The following FBXL20 variants were observed in gnomAD, a reference collection of about 807,000 sequenced individuals.
The protein encoded by FBXL20 is F-box/LRR-repeat protein 20.
Under a neutral mutation model 64.0 loss-of-function variants are expected in FBXL20, and 11 were observed. The ratio of observed to expected loss-of-function variants is 0.17; its 90% CI spans 0.11 to 0.28. The LOEUF is 0.28. Ranked by LOEUF, FBXL20 falls within the 10% of genes least tolerant of loss-of-function variation. The probability of loss-of-function intolerance (pLI) is 1.00; values close to 1 mark genes in which losing one functional copy is unlikely to be tolerated. For missense variants in FBXL20, 303 were observed against 526.2 expected (o/e 0.58, Z 4.15); for synonymous variants, 184 against 189.0 (o/e 0.97, Z 0.22).
At chr17:39,304,572 G>A (rs1470006532) in intron 2 of FBXL20, among the ~76,000 whole-genome samples, 1 of 152,108 alleles carries the variant, frequency 6.6e-6, no homozygotes, top group Non-Finnish European at 1.5e-5. Context: ...CTGCATGTAT[G>A]AGCCAACATG....
intron 6 of FBXL20, among the ~76,000 whole-genome samples, chr17:39,294,816 A>T (rs191073095): frequency 1.3e-5 from 2 of 152,186 alleles, no homozygotes; most frequent in Admixed American, 1.3e-4. Context: ...GATCCTGACC[A>T]GCCTGGCCAA....
chr17:39,307,026 C>T (rs183922028), intron 2 of FBXL20, among the ~76,000 whole-genome samples: 2 of 151,976 alleles, frequency 1.3e-5, no homozygotes, highest in African/African-American at 4.8e-5. Flanking sequence ...TAAGGAGAAC[C>T]GGATAGGTGG....
intron 1 of FBXL20, among the ~76,000 whole-genome samples, chr17:39,378,999 G>C (rs970980002): frequency 3.3e-5 from 5 of 149,994 alleles, no homozygotes; most frequent in Non-Finnish European, 5.9e-5. Context: ...AGGCCGAGGC[G>C]GGCAGATCAC....
intron 1 of FBXL20, among the ~76,000 whole-genome samples, chr17:39,374,524 G>C (rs2047948803): frequency 6.6e-6 from 1 of 151,572 alleles, no homozygotes; most frequent in South Asian, 2.1e-4. Context: ...CAAGGCAATA[G>C]AGCGAGACTC....
upstream of FBXL20, chr17:39,402,339 G>T: frequency 1.5e-6 from 1 of 651,980 alleles, no homozygotes; most frequent in Non-Finnish European, 2.2e-6. Context: ...ATTACGGGGT[G>T]CTGCAGGGAG....
intron 2 of FBXL20, among the ~76,000 whole-genome samples, chr17:39,305,470 T>C (rs1309441805): frequency 6.6e-6 from 1 of 152,142 alleles, no homozygotes; most frequent in Non-Finnish European, 1.5e-5. Flanking sequence ...TTTGGGAGGC[T>C]GAAGTGGAAA....
intron 1 of FBXL20, among the ~76,000 whole-genome samples, chr17:39,348,002 GAA>G (rs572011174): frequency 7.0e-5 from 10 of 143,566 alleles, no homozygotes; most frequent in African/African-American, 2.6e-4. Context: ...TTTTTTAGAA[GAA>G]AAAAAAAATC....
chr17:39,387,835 C>T (rs368287984), intron 1 of FBXL20, among the ~76,000 whole-genome samples: 1 of 152,128 alleles, frequency 6.6e-6, no homozygotes, highest in Non-Finnish European at 1.5e-5. Flanking sequence ...ACCTTGGTCT[C>T]GCAAAGTGCT....
intron 1 of FBXL20, among the ~76,000 whole-genome samples, chr17:39,375,835 C>T (rs1183566980): frequency 3.3e-5 from 5 of 152,042 alleles, no homozygotes; most frequent in African/African-American, 9.6e-5. Context: ...AAATAACATC[C>T]GTGGCTGGGC....
At chr17:39,268,358 AAATAAT>A (rs1181535001) in intron 12 of FBXL20, among the ~76,000 whole-genome samples, 1 of 152,132 alleles carries the variant, frequency 6.6e-6, no homozygotes, top group Admixed American at 6.6e-5. Context: ...CATCTCAAAA[AAATAAT>A]AATAATAATT....
At chr17:39,280,050 T>G (rs551463471) in intron 9 of FBXL20, among the ~76,000 whole-genome samples, 1 of 151,902 alleles carries the variant, frequency 6.6e-6, no homozygotes, top group South Asian at 2.1e-4. Flanking sequence ...CTGGCCAACA[T>G]AGTGAAACCC....
chr17:39,325,992 G>A (rs926392738), intron 2 of FBXL20, among the ~76,000 whole-genome samples: 1 of 152,110 alleles, frequency 6.6e-6, no homozygotes, highest in East Asian at 1.9e-4. Context: ...GAATGGCTTA[G>A]TACTACCCCC....
chr17:39,271,149 C>G (rs2046839829), intron 10 of FBXL20, among the ~76,000 whole-genome samples: 1 of 152,078 alleles, frequency 6.6e-6, no homozygotes, highest in Non-Finnish European at 1.5e-5. Context: ...GCATTAAAAG[C>G]CTTCTTGATG....
chr17:39,287,202 C>T (rs1438904297), intron 6 of FBXL20, among the ~76,000 whole-genome samples: 7 of 152,062 alleles, frequency 4.6e-5, no homozygotes, highest in Admixed American at 2.0e-4. Context: ...TGAGCCACCA[C>T]GCCCGGCCTT....
rs184101457 is a variant in FBXL20 at position 39,300,889 on chromosome 17, A to G, written c.234+112T>C. 4.9e-6 allele frequency: 5 copies of G among 1,022,958 alleles called. No homozygotes were observed. The East Asian group carries it at 7.7e-5, about 16-fold the overall frequency. 63.4% of individuals were successfully genotyped at this position (1,022,958 alleles called of 1,614,324 possible). Reference sequence around the variant, plus strand: ...GTTCCTGTAAAGTTCAGATGCACTGAAAATAATAGTTCCTCTCTTTAACGA... The same window carrying G: ...GTTCCTGTAAAGTTCAGATGCACTGGAAATAATAGTTCCTCTCTTTAACGA... On this transcript the variant is annotated intron_variant, in intron 4 of 14. Transcript: ENST00000264658.
At chr17:39,365,676 T>G (rs1438957457) in intron 1 of FBXL20, among the ~76,000 whole-genome samples, 4 of 152,164 alleles carry the variant, frequency 2.6e-5, no homozygotes, top group Admixed American at 2.0e-4. Flanking sequence ...TTTTTTCTTT[T>G]CAGTATTTTT....
chr17:39,316,866 G>A (rs1251963413), intron 2 of FBXL20, among the ~76,000 whole-genome samples: 1 of 152,222 alleles, frequency 6.6e-6, no homozygotes, highest in Non-Finnish European at 1.5e-5. Flanking sequence ...CTGGGCGCCT[G>A]TAATCCCAGC....
At chr17:39,279,674 T>C (rs2046931023) in intron 9 of FBXL20, among the ~76,000 whole-genome samples, 1 of 151,992 alleles carries the variant, frequency 6.6e-6, no homozygotes, top group Non-Finnish European at 1.5e-5. Context: ...GCCAGGTGGA[T>C]TGCTTGAGCC....
intron 2 of FBXL20, among the ~76,000 whole-genome samples, chr17:39,318,102 A>G (rs2047314538): frequency 6.6e-6 from 1 of 152,184 alleles, no homozygotes; most frequent in Non-Finnish European, 1.5e-5. Flanking sequence ...CCATATAAAA[A>G]AAAATTCCTA....
Sources: allele counts gnomAD v4.1 joint callset (sites outside exome capture counted in the v4.1 genomes callset), GRCh38; gene constraint gnomAD v4.1.1; transcripts MANE v1.5; gene names NCBI Gene and HGNC (gene_info 2026-07-23, HGNC 2026-07-21).